NRK: variants seen among roughly 807,000 people sequenced by gnomAD.
The protein encoded by NRK is Nik related kinase.
NRK carries 67 observed loss-of-function variants against 125.2 expected under a neutral mutation model. The ratio of observed to expected loss-of-function variants is 0.54; its 90% CI spans 0.44 to 0.66. The LOEUF is 0.66. Among genes scored for constraint, NRK ranks in the 30% least tolerant of loss-of-function variants. The pLI is 0.00. For synonymous variants in NRK, 458 were observed against 429.0 expected (o/e 1.07, Z -0.84); for missense variants, 1,224 against 1,192.9 (o/e 1.03, Z -0.38).
At chrX:105,950,572 GTGTGTGGAGA>G (rs1424520976) in intron 27 of NRK, among the ~76,000 whole-genome samples, 1 of 99,673 alleles carries the variant, frequency 1.0e-5, no homozygotes, top group Non-Finnish European at 2.0e-5. Context: ...GTGTGTGTGT[GTGTGTGGAGA>G]GAGAGAGAGA....
At chrX:105,886,536 ATGTG>A (rs754565084) in intron 4 of NRK, among the ~76,000 whole-genome samples, 5 of 102,426 alleles carry the variant, frequency 4.9e-5, no homozygotes, top group African/African-American at 1.7e-4. Flanking sequence ...GTGTGTGTGT[ATGTG>A]TGTGTGTGTG....
At chrX:105,942,957 C>T (rs2040763755) in intron 23 of NRK, among the ~76,000 whole-genome samples, 1 of 111,512 alleles carries the variant, frequency 9.0e-6, no homozygotes, top group African/African-American at 3.3e-5. Context: ...ATATGATTTG[C>T]AAATATTTTC....
chrX:105,860,782 G>A (rs779679321), intron 2 of NRK, among the ~76,000 whole-genome samples: 1 of 110,816 alleles, frequency 9.0e-6, no homozygotes, highest in South Asian at 4.0e-4. Context: ...TATTCATGTC[G>A]TAGTATGAAT....
intron 10 of NRK, 42 bp downstream of exon 10, chrX:105,905,385 C>T (rs2040207523): frequency 1.1e-6 from 1 of 948,088 alleles, no homozygotes; most frequent in Non-Finnish European, 1.5e-6. Context: ...ATTGACTTGA[C>T]ATTTTTATGT....
At chrX:105,844,019 CTG>C (rs1178483710) in intron 2 of NRK, among the ~76,000 whole-genome samples, 2,599 of 63,012 alleles carry the variant, frequency 0.041, 42 homozygotes, top group Non-Finnish European at 0.064. Flanking sequence ...GTGTGTGTGT[CTG>C]TGTGTGTGTG....
chrX:105,859,161 A>G, intron 2 of NRK, among the ~76,000 whole-genome samples: 1 of 111,691 alleles, frequency 9.0e-6, no homozygotes, highest in Non-Finnish European at 1.9e-5. Flanking sequence ...TTTCAGTTAG[A>G]TAAAAGAGAA....
At chrX:105,881,857 G>T in intron 4 of NRK, 78 bp downstream of exon 4, 1 of 551,567 alleles carries the variant, frequency 1.8e-6, no homozygotes, top group Non-Finnish European at 3.1e-6. Flanking sequence ...CCTTTGCATT[G>T]TGTCATTATC....
chrX:105,935,101 A>G, intron 20 of NRK, 69 bp from the exon 21 acceptor site: 1 of 929,479 alleles, frequency 1.1e-6, no homozygotes, highest in Non-Finnish European at 1.5e-6. Flanking sequence ...CTTTAAAAAA[A>G]AATTCTGTAA....
chrX:105,891,401 C>G lies in NRK; in HGVS notation c.379-2431C>G, dbSNP rs761354877. The stretch of plus-strand genomic sequence containing the variant: ...GAATATAAGGTGGGGTTAGTATACA[C>G]TTGAATCTCTATACTTGCTGCATTT... On this transcript the variant is annotated intron_variant, in intron 5 of 28. Transcript: ENST00000243300. Among the ~76,000 whole-genome samples, 5 of 112,182 alleles carry G rather than the reference C, an allele frequency of 4.5e-5. No homozygotes were observed. The East Asian group carries it at 1.4e-3, about 31-fold the overall frequency.
At chrX:105,907,844 A>C (rs1753011316) in intron 11 of NRK, 1 of 114,943 alleles carries the variant, frequency 8.7e-6, no homozygotes, top group Non-Finnish European at 1.8e-5. Flanking sequence ...TTGCCTTCTC[A>C]TTGAAAAGAC....
At chrX:105,919,557 A>G (rs1471895865) in intron 16 of NRK, among the ~76,000 whole-genome samples, 1 of 111,703 alleles carries the variant, frequency 9.0e-6, no homozygotes, top group Admixed American at 9.5e-5. Flanking sequence ...GTGACTAATG[A>G]CCACTGTTAA....
At position 105,923,302 on chromosome X, in the gene NRK, G is replaced by GTGA; in HGVS notation, c.2808_2810dup (p.Asp936dup). On this transcript the variant is annotated inframe_insertion, in exon 18 of 29. Transcript: ENST00000243300. ...TATGATGCCAGTGCTGATACTGATGGTGATGATGATGATGAGTCTAATGAT... is the reference window on the plus strand; with the variant it reads ...TATGATGCCAGTGCTGATACTGATGGTGATGATGATGATGATGAGTCTAATGAT... 1 of 1,193,305 alleles carries GTGA rather than the reference G, an allele frequency of 8.4e-7. No individual in the cohort carries two copies. Among genetic ancestry groups the GTGA allele is most frequent in the Non-Finnish European group, 1.1e-6 (1 of 880,978 alleles).
chrX:105,902,125 T>TA (rs955502370), intron 9 of NRK, among the ~76,000 whole-genome samples: 4 of 110,384 alleles, frequency 3.6e-5, no homozygotes, highest in African/African-American at 1.3e-4. Context: ...TTTTTTTTTT[T>TA]ATTCCAAAAT....
At chrX:105,916,624 G>A (rs2040369347) in intron 15 of NRK, among the ~76,000 whole-genome samples, 1 of 111,394 alleles carries the variant, frequency 9.0e-6, no homozygotes, top group Non-Finnish European at 1.9e-5. Context: ...AGATTTAACT[G>A]GAGTGCAGAA....
At chrX:105,948,433 G>A (rs1239886940) in intron 26 of NRK, 2 of 292,470 alleles carry the variant, frequency 6.8e-6, no homozygotes, top group Non-Finnish European at 1.2e-5. Flanking sequence ...TTCCAAGAGT[G>A]CTAGATTACA....
chrX:105,893,496 GC>G (rs929400428), intron 5 of NRK, among the ~76,000 whole-genome samples: 1 of 111,579 alleles, frequency 9.0e-6, no homozygotes, highest in Non-Finnish European at 1.9e-5. Context: ...CTTTCTAAAA[GC>G]ATGTGTTTAT....
At chrX:105,861,902 C>CA (rs35263009) in intron 2 of NRK, among the ~76,000 whole-genome samples, 66 of 103,582 alleles carry the variant, frequency 6.4e-4, no homozygotes, top group Admixed American at 1.5e-3. Flanking sequence ...ACCAAAAATA[C>CA]AAAAAAAAAA....
intron 23 of NRK, among the ~76,000 whole-genome samples, chrX:105,940,707 G>A (rs79453152): frequency 5.4e-5 from 6 of 111,702 alleles, no homozygotes; most frequent in South Asian, 3.7e-4. Flanking sequence ...ATAAAAAACC[G>A]TGAGCTAATG....
intron 26 of NRK, chrX:105,948,528 A>G (rs2040848175): frequency 2.5e-6 from 1 of 404,162 alleles, no homozygotes; most frequent in African/African-American, 2.6e-5. Flanking sequence ...CTGAGGCTGT[A>G]TGGATTTGCA....
Sources: allele counts gnomAD v4.1 joint callset (sites outside exome capture counted in the v4.1 genomes callset), GRCh38; gene constraint gnomAD v4.1.1; transcripts MANE v1.5; gene names NCBI Gene and HGNC (gene_info 2026-07-23, HGNC 2026-07-21).